HPS5: variants seen among roughly 807,000 people sequenced by gnomAD.
HPS5 encodes BLOC-2 complex member HPS5.
In HPS5, 83 loss-of-function variants were observed where a neutral mutation model predicts 128.0. The ratio of observed to expected loss-of-function variants is 0.65; its 90% CI spans 0.54 to 0.78. HPS5 has a LOEUF of 0.78. Ranked by LOEUF, HPS5 falls within the 30% of genes least tolerant of loss-of-function variation. HPS5 has a pLI of 0.00. For synonymous variants in HPS5, 475 were observed against 470.2 expected, an observed-to-expected ratio of 1.01 and a Z score of -0.13; for missense variants, 1,281 against 1,326.2, an observed-to-expected ratio of 0.97 and a Z score of 0.53.
At chr11:18,307,390 T>C (rs1455970079) in intron 6 of HPS5, among the ~76,000 whole-genome samples, 2 of 152,232 alleles carry the variant, frequency 1.3e-5, no homozygotes, top group Non-Finnish European at 1.5e-5. Context: ...AAGAGTGCTT[T>C]GAAATGTATA....
intron 22 of HPS5, 124 bp downstream of exon 22, chr11:18,281,826 C>T (rs941203384): frequency 2.8e-6 from 3 of 1,067,276 alleles, no homozygotes; most frequent in African/African-American, 3.1e-5. Flanking sequence ...ATTACCACAT[C>T]AGTCTCAGTC....
At chr11:18,302,856 A>AAG (rs913069926) in intron 8 of HPS5, among the ~76,000 whole-genome samples, 8 of 125,754 alleles carry the variant, frequency 6.4e-5, no homozygotes, top group African/African-American at 2.3e-4. Flanking sequence ...ATCCCTGAGA[A>AAG]AGAGATACAG....
rs899074500 is a variant in HPS5 at position 18,301,454 on chromosome 11, CAAAA to C, written c.897-542_897-539del. Among the ~76,000 whole-genome samples the C allele has an allele frequency of 2.9e-4, 15 of 52,078 alleles. No homozygotes were observed. The South Asian group carries it at 7.8e-3, about 27-fold the overall frequency. The allele number at this position is 52,078 out of a possible 152,430, so 34.2% of individuals were successfully genotyped here. A position where few individuals can be genotyped will look rare whatever the true frequency, so the allele number is the denominator to read the frequency against. ...GGTGACAGCCTGGGTGACTCTGTCTCAAAAAAAAAAAAAAAAAAAAAAAGAAAGA... is the reference window on the plus strand; with the variant it reads ...GGTGACAGCCTGGGTGACTCTGTCTCAAAAAAAAAAAAAAAAAAAGAAAGA... On this transcript the variant is annotated intron_variant, in intron 8 of 22. Transcript: ENST00000349215.
Position 18,297,701 on chromosome 11 carries a change from G to C in HPS5, c.1181C>G (p.Thr394Ser). The stretch of plus-strand genomic sequence containing the variant: ...TTTCAAATGCTCCAATTTATCTGCA[G>C]TCAAAGTTTTTCTTGCCTAATAAAA... ...VIASRARKTLTADKLEHLKSQ... is the reference protein window; with the variant it reads ...VIASRARKTLSADKLEHLKSQ... Residue 394 changes from threonine to serine, a missense_variant, in exon 11 of 23, where the codon ACT becomes AGT. By Grantham distance (58) the Thr-to-Ser change is moderately conservative. Coordinates refer to ENST00000349215, the MANE Select transcript of HPS5 (RefSeq NM_181507.2). The C allele has an allele frequency of 6.2e-7, 1 of 1,613,998 alleles. No individual in the cohort carries two copies. Among genetic ancestry groups the C allele is most frequent in the Non-Finnish European group, 8.5e-7 (1 of 1,179,916 alleles).
chr11:18,280,367 A>G (rs118176069), intron 22 of HPS5: 18,791 of 567,478 alleles, frequency 0.033, 402 homozygotes, highest in Middle Eastern at 0.046. Context: ...CTGTTTAACA[A>G]AAAACAACAA....
At chr11:18,319,700 T>A (rs1864081460) in intron 1 of HPS5, among the ~76,000 whole-genome samples, 1 of 152,146 alleles carries the variant, frequency 6.6e-6, no homozygotes, top group Non-Finnish European at 1.5e-5. Flanking sequence ...TGTAAAGTGC[T>A]GTGGGTGGTT....
intron 2 of HPS5, among the ~76,000 whole-genome samples, chr11:18,317,379 C>A (rs1362060297): frequency 6.6e-6 from 1 of 151,866 alleles, no homozygotes; most frequent in Non-Finnish European, 1.5e-5. Flanking sequence ...CCTCAGCCTC[C>A]CGAGTACCTG....
intron 16 of HPS5, 31 bp downstream of exon 16, chr11:18,291,404 ACGAATTT>A: frequency 7.4e-7 from 1 of 1,346,474 alleles, no homozygotes; most frequent in South Asian, 1.2e-5. Flanking sequence ...GTTTTTTAAT[ACGAATTT>A]CTATCTTTGA....
intron 10 of HPS5, 30 bp downstream of exon 10, chr11:18,298,762 G>A: frequency 6.2e-7 from 1 of 1,607,080 alleles, no homozygotes; most frequent in South Asian, 1.1e-5. Flanking sequence ...CCAATCCATG[G>A]TAAAGATGTC....
In HPS5 at chr11:18,287,982, C is replaced by T. The variant is rs151172228; in HGVS notation, c.2472G>A (p.Glu824=). ...EMASSNPVYM[E]MEKGDLPTRL... ...TTGTTGGTAGATCTCCTTTTTCCAT[C>T]TCCATATACACAGGATTGGAACTTG... The change falls in exon 17 of 23, where the codon GAG becomes GAA. Residue 824 remains glutamate (E), a synonymous_variant. Coordinates refer to ENST00000349215, the MANE Select transcript of HPS5 (RefSeq NM_181507.2). 6.8e-6 allele frequency: 11 copies of T among 1,613,744 alleles called. No individual in the cohort carries two copies. In the African/African-American group the frequency reaches 1.2e-4, roughly 18 times the overall value.
At position 18,279,667 on chromosome 11, in the gene HPS5, T is replaced by C; in HGVS notation, c.*215A>G. ...TCAAAATTCAACTTTGGTTAAGAAA[T>C]GCTGAGTACAACTTTGGTTAAGAAA... On this transcript the variant is annotated 3_prime_UTR_variant, in exon 23 of 23. Coordinates refer to ENST00000349215, the MANE Select transcript of HPS5 (RefSeq NM_181507.2). 1.7e-6 allele frequency: 1 copy of C among 589,320 alleles called. No individual in the cohort carries two copies. 36.5% of individuals were successfully genotyped at this position (589,320 alleles called of 1,614,324 possible). A position where few individuals can be genotyped will look rare whatever the true frequency, so the allele number is the denominator to read the frequency against.
intron 2 of HPS5, 59 bp from the exon 3 acceptor site, chr11:18,312,083 C>T (rs1564978557): frequency 1.5e-6 from 2 of 1,296,528 alleles, no homozygotes; most frequent in East Asian, 2.3e-5. Flanking sequence ...AATAGACTAT[C>T]CACTGAAAAT....
intron 6 of HPS5, among the ~76,000 whole-genome samples, chr11:18,308,341 AAAG>A (rs1219801603): frequency 2.6e-4 from 39 of 152,312 alleles, no homozygotes; most frequent in African/African-American, 7.9e-4. Flanking sequence ...AACAAAACTC[AAAG>A]AAGACTTCCT....
Position 18,287,848 on chromosome 11 carries a change from A to C in HPS5, c.2561+45T>G, listed in dbSNP as rs201917415. On this transcript the variant is annotated intron_variant, in intron 17 of 22. Transcript: ENST00000349215. ...GTTAGAGACTAAAATACACAAAAAA[A>C]TGCATGTGCTTTAGCTCATATAAAC... 4.3e-6 allele frequency: 7 copies of C among 1,613,204 alleles called. No homozygotes were observed. The East Asian group carries it at 1.1e-4, about 26-fold the overall frequency.
rs540704775 is a variant in HPS5, at chr11:18,286,718, A to G, written c.2718-8T>C. On this transcript the variant is annotated splice_region_variant and splice_polypyrimidine_tract_variant and intron_variant, in intron 18 of 22. Coordinates refer to ENST00000349215, the MANE Select transcript of HPS5 (RefSeq NM_181507.2). ...GACTCAAGAAAAGATGACCTAAGAG[A>G]AAGTTGGGGAAAAAAGTCACCAATC... 4.3e-5 allele frequency: 70 copies of G among 1,613,810 alleles called. No homozygotes were observed. The East Asian group carries it at 1.5e-3, about 35-fold the overall frequency.
At chr11:18,306,007 C>T (rs1862318194) in intron 7 of HPS5, 128 bp downstream of exon 7, 1 of 752,404 alleles carries the variant, frequency 1.3e-6, no homozygotes, top group African/African-American at 1.7e-5. Flanking sequence ...GCTGGGATTA[C>T]AGGCGTGTGC....
rs372012187 is a variant in HPS5, at chr11:18,282,213, G to A, written c.3066C>T (p.Ile1022=). The A allele has an allele frequency of 3.2e-5, 52 of 1,614,052 alleles. No homozygotes were observed. In the South Asian group the frequency reaches 5.5e-4, roughly 17 times the overall value. The change falls in exon 22 of 23, where the codon ATC becomes ATT. Residue 1022 remains isoleucine (I), a synonymous_variant. Coordinates refer to ENST00000349215, the MANE Select transcript of HPS5 (RefSeq NM_181507.2). ...MSLMEGDNGW[I]PETVEEWKLL... is the part of the protein sequence containing the mutation. Reference sequence around the variant, plus strand: ...GCTTCCATTCCTCCACGGTCTCTGGGATCCAACCTAAACACACACAGGGAA... The same window carrying A: ...GCTTCCATTCCTCCACGGTCTCTGGAATCCAACCTAAACACACACAGGGAA...
rs757870701 is a variant in HPS5 at position 18,279,911 on chromosome 11, C to T, written c.3361G>A (p.Asp1121Asn). 7 of 1,613,972 alleles carry T rather than the reference C, an allele frequency of 4.3e-6. No homozygotes were observed. The highest frequency in any genetic ancestry group is 3.4e-6 in the Non-Finnish European group (4 of 1,179,988). Residue 1121 changes from aspartate to asparagine, a missense_variant, in exon 23 of 23, where the codon GAT becomes AAT. By Grantham distance (23) the Asp-to-Asn change is conservative. Coordinates refer to ENST00000349215, the MANE Select transcript of HPS5 (RefSeq NM_181507.2). ...GCCTGCTGGGACCAGAGAAACCGAT[C>T]GCATTTTTCAAGCATGCTTTGTATC... ...ALIQSMLEKC[D>N]RFLWSQQA
At chr11:18,320,045 G>A (rs76569201) in intron 1 of HPS5, among the ~76,000 whole-genome samples, 2,823 of 152,080 alleles carry the variant, frequency 0.019, 91 homozygotes, top group African/African-American at 0.065. Context: ...GAATGTCCTG[G>A]AAGTTATAAT....
Sources: gnomAD v4.1 joint callset for allele counts (sites outside exome capture counted in the v4.1 genomes callset) on GRCh38, gnomAD v4.1.1 for gene constraint, MANE v1.5 for transcripts, NCBI Gene and HGNC (gene_info 2026-07-23, HGNC 2026-07-21) for gene names.